The following WBP1L variants were observed in gnomAD, a reference collection of about 807,000 sequenced individuals.
The protein encoded by WBP1L is WW domain binding protein 1-like.
Under a neutral mutation model 33.7 loss-of-function variants are expected in WBP1L, and 17 were observed. That is an observed-to-expected ratio of 0.50 (90% CI 0.34 to 0.76). The LOEUF (loss-of-function observed/expected upper bound fraction) is 0.76. Among genes scored for constraint, WBP1L ranks in the 30% least tolerant of loss-of-function variants. The pLI, the probability that WBP1L is intolerant of heterozygous loss-of-function variation, is 0.01. For missense variants in WBP1L, 389 were observed against 469.4 expected, an observed-to-expected ratio of 0.83 and a Z score of 1.58; for synonymous variants, 173 against 190.8, an observed-to-expected ratio of 0.91 and a Z score of 0.77.
At chr10:102,785,345 G>T (rs957559052) in intron 1 of WBP1L, among the ~76,000 whole-genome samples, 1 of 151,668 alleles carries the variant, frequency 6.6e-6, no homozygotes, top group Non-Finnish European at 1.5e-5. Flanking sequence ...CTGCCACCAC[G>T]CCCAGCTAAT....
At chr10:102,753,396 C>G (rs1842943093) in intron 1 of WBP1L, among the ~76,000 whole-genome samples, 1 of 152,194 alleles carries the variant, frequency 6.6e-6, no homozygotes. Flanking sequence ...CACAAAGAAA[C>G]ACAAGTAAAT....
Position 102,814,974 on chromosome 10 carries a change from T to G in WBP1L, c.*1643T>G, listed in dbSNP as rs1402467935. 6.6e-6 allele frequency: 1 copy of G among 152,576 alleles called. No homozygotes were observed. Among genetic ancestry groups the G allele is most frequent in the Non-Finnish European group, 1.5e-5 (1 of 68,038 alleles). 9.5% of individuals were successfully genotyped at this position (152,576 alleles called of 1,614,324 possible). On this transcript the variant is annotated 3_prime_UTR_variant, in exon 4 of 4. Transcript: ENST00000448841. ...AGATTCCACAAAACCAAAATCCATG[T>G]TGAACAAAGTTAAGTCCGTACACAG...
intron 1 of WBP1L, among the ~76,000 whole-genome samples, chr10:102,796,871 G>A (rs1843579326): frequency 6.6e-6 from 1 of 152,166 alleles, no homozygotes; most frequent in Non-Finnish European, 1.5e-5. Context: ...TGAGGTTAAC[G>A]TTGGTCTGGG....
chr10:102,812,419 T>G (rs1210570834), intron 3 of WBP1L, among the ~76,000 whole-genome samples, 176 bp from the exon 4 acceptor site: 2 of 152,130 alleles, frequency 1.3e-5, no homozygotes, highest in African/African-American at 4.8e-5. Flanking sequence ...TGCCCCTCTC[T>G]CTCTGCAGAA....
intron 1 of WBP1L, chr10:102,776,440 G>A (rs1387123520): frequency 1.2e-6 from 2 of 1,613,960 alleles, no homozygotes; most frequent in Non-Finnish European, 1.7e-6. Flanking sequence ...GCACGGATCG[G>A]GTTTGGAAGG....
chr10:102,782,401 G>A (rs1041044013), intron 1 of WBP1L, among the ~76,000 whole-genome samples: 8 of 151,730 alleles, frequency 5.3e-5, no homozygotes, highest in Non-Finnish European at 1.2e-4. Context: ...TAGCCCATGA[G>A]TTTGACCCGC....
chr10:102,799,035 C>A (rs1843614486), intron 2 of WBP1L, among the ~76,000 whole-genome samples: 2 of 152,100 alleles, frequency 1.3e-5, no homozygotes, highest in South Asian at 4.2e-4. Flanking sequence ...CAGCTAAATC[C>A]CATGTGGAGG....
chr10:102,802,551 C>T (rs1843673443), intron 2 of WBP1L, among the ~76,000 whole-genome samples: 6 of 152,274 alleles, frequency 3.9e-5, no homozygotes, highest in Admixed American at 2.6e-4. Flanking sequence ...CTCACTCCCT[C>T]GCCCAGGCTG....
At chr10:102,782,246 G>A (rs1843348524) in intron 1 of WBP1L, among the ~76,000 whole-genome samples, 3 of 88,220 alleles carry the variant, frequency 3.4e-5, no homozygotes, top group South Asian at 3.5e-4. Context: ...TTTGAGGAAC[G>A]TGGCTTGTTT....
chr10:102,760,439 CG>C (rs1843024164), intron 1 of WBP1L, among the ~76,000 whole-genome samples: 1 of 147,252 alleles, frequency 6.8e-6, no homozygotes, highest in Non-Finnish European at 1.5e-5. Flanking sequence ...TGCAATGGCA[CG>C]ATCTTGGCTC....
intron 1 of WBP1L, among the ~76,000 whole-genome samples, chr10:102,779,917 G>A (rs548569600): frequency 1.3e-5 from 2 of 152,380 alleles, no homozygotes; most frequent in South Asian, 2.1e-4. Context: ...TGGGGAAAGA[G>A]CATTCCGGAC....
chr10:102,791,416 G>A (rs1184141646), intron 1 of WBP1L, among the ~76,000 whole-genome samples: 2 of 152,050 alleles, frequency 1.3e-5, no homozygotes, highest in African/African-American at 2.4e-5. Flanking sequence ...TATAGCTATA[G>A]CATCCCACAT....
intron 1 of WBP1L, among the ~76,000 whole-genome samples, chr10:102,771,282 C>T (rs1843182989): frequency 6.6e-6 from 1 of 152,196 alleles, no homozygotes; most frequent in Admixed American, 6.6e-5. Flanking sequence ...TCCGGTACGG[C>T]ACAGTGGTTC....
intron 1 of WBP1L, among the ~76,000 whole-genome samples, chr10:102,765,193 C>T (rs960979413): frequency 1.3e-5 from 2 of 152,176 alleles, no homozygotes; most frequent in Non-Finnish European, 2.9e-5. Flanking sequence ...GCAGGTGTTA[C>T]CAGCACTAAT....
At chr10:102,786,246 G>C (rs939338288) in intron 1 of WBP1L, among the ~76,000 whole-genome samples, 2 of 152,178 alleles carry the variant, frequency 1.3e-5, no homozygotes, top group Non-Finnish European at 2.9e-5. Flanking sequence ...ATGGAATGAG[G>C]CATAGAGAGT....
intron 1 of WBP1L, among the ~76,000 whole-genome samples, chr10:102,797,358 T>C (rs1843586517): frequency 6.6e-6 from 1 of 152,194 alleles, no homozygotes; most frequent in Admixed American, 6.5e-5. Flanking sequence ...CGGCTGAGGT[T>C]AGCACCGGAA....
chr10:102,810,362 CCTCCCTCCCTTCCTT>C (rs1564771060), intron 3 of WBP1L, among the ~76,000 whole-genome samples: 1,610 of 140,786 alleles, frequency 0.011, 41 homozygotes, highest in African/African-American at 0.04. Context: ...TTCCTCCCTT[CCTCCCTCCCTTCCTT>C]CCTCCCTCCC....
At chr10:102,751,838 A>T (rs1234480186) in intron 1 of WBP1L, among the ~76,000 whole-genome samples, 1 of 152,152 alleles carries the variant, frequency 6.6e-6, no homozygotes, top group Non-Finnish European at 1.5e-5. Context: ...ATAAAATGGG[A>T]ATTGTACTAG....
chr10:102,792,377 G>A (rs1397806410), intron 1 of WBP1L, among the ~76,000 whole-genome samples: 1 of 152,188 alleles, frequency 6.6e-6, no homozygotes, highest in Non-Finnish European at 1.5e-5. Flanking sequence ...TAGCCATGGA[G>A]TTTTGTGCAA....
Sources: allele counts gnomAD v4.1 joint callset (sites outside exome capture counted in the v4.1 genomes callset), GRCh38; gene constraint gnomAD v4.1.1; transcripts MANE v1.5; gene names NCBI Gene and HGNC (gene_info 2026-07-23, HGNC 2026-07-21).